The following GCA variants were observed in gnomAD, a reference collection of about 807,000 sequenced individuals.
The protein encoded by GCA is grancalcin, also known as grancalcin, EF-hand calcium-binding protein.
Under a neutral mutation model 32.6 loss-of-function variants are expected in GCA, and 30 were observed. That is an observed-to-expected ratio of 0.92 (90% CI 0.69 to 1.25). The LOEUF (loss-of-function observed/expected upper bound fraction) is 1.25. Among genes scored for constraint, GCA ranks in the 50% most tolerant of loss-of-function variants. GCA has a pLI of 0.00. For missense variants in GCA, 291 were observed against 266.8 expected, an observed-to-expected ratio of 1.09 and a Z score of -0.63; for synonymous variants, 102 against 84.6, an observed-to-expected ratio of 1.21 and a Z score of -1.13.
intron 1 of GCA, chr2:162,319,251 T>C (rs946651004): frequency 9.4e-5 from 43 of 457,012 alleles, no homozygotes; most frequent in Admixed American, 6.6e-4. Context: ...TGAGTAACAA[T>C]AAACAGTTAA....
chr2:162,359,418 T>C (rs1404287602), intron 6 of GCA, 76 bp from the exon 7 acceptor site: 2 of 666,870 alleles, frequency 3.0e-6, no homozygotes, highest in Non-Finnish European at 5.2e-6. Context: ...TTATTCTTTT[T>C]GTGTACCTGG....
intron 3 of GCA, among the ~76,000 whole-genome samples, chr2:162,354,531 G>A (rs1262382170): frequency 6.6e-6 from 1 of 152,156 alleles, no homozygotes; most frequent in African/African-American, 2.4e-5. Context: ...CAACTGAACC[G>A]AGGCAGGGAG....
In GCA at chr2:162,359,482, C is replaced by A. The variant is rs773026784; in HGVS notation, c.569-12C>A. 3 of 1,380,722 alleles carry A rather than the reference C, an allele frequency of 2.2e-6. No homozygotes were observed. In the South Asian group the frequency reaches 3.8e-5, roughly 18 times the overall value. The allele number at this position is 1,380,722 out of a possible 1,614,324, so 85.5% of individuals were successfully genotyped here. On this transcript the variant is annotated splice_polypyrimidine_tract_variant and intron_variant, in intron 6 of 7. Coordinates refer to ENST00000437150, the MANE Select transcript of GCA (RefSeq NM_012198.5). ...TTAAATTACAATAAAAAAGTAATTT[C>A]TTTGTTTAAAGATTTCTTTAGGAAA...
Position 162,362,536 on chromosome 2 carries a change from T to A in GCA, c.*2293T>A. The A allele has an allele frequency of 1.0e-6, 1 of 964,812 alleles. No homozygotes were observed. The highest frequency in any genetic ancestry group is 1.2e-6 in the Non-Finnish European group (1 of 811,352). 59.8% of individuals were successfully genotyped at this position (964,812 alleles called of 1,614,324 possible). On this transcript the variant is annotated 3_prime_UTR_variant, in exon 8 of 8. Coordinates refer to ENST00000437150, the MANE Select transcript of GCA (RefSeq NM_012198.5). ...TTTTACGATGATGTAAATTATTGAATAATGTACACTCTTAATGTATAAGTG... is the reference window on the plus strand; with the variant it reads ...TTTTACGATGATGTAAATTATTGAAAAATGTACACTCTTAATGTATAAGTG...
At chr2:162,375,101 A>G (rs1686115097), downstream of GCA, among the ~76,000 whole-genome samples, 1 of 152,130 alleles carries the variant, frequency 6.6e-6, no homozygotes, top group Non-Finnish European at 1.5e-5. Flanking sequence ...TATTTACCCC[A>G]TTCAGAATTA....
At chr2:162,353,196 G>A (rs987753763) in intron 3 of GCA, among the ~76,000 whole-genome samples, 5 of 152,052 alleles carry the variant, frequency 3.3e-5, no homozygotes, top group Admixed American at 6.5e-5. Flanking sequence ...ACGGCCAGGC[G>A]CCGTGGCTCA....
chr2:162,374,167 A>T (rs942525974), downstream of GCA, among the ~76,000 whole-genome samples: 1 of 152,158 alleles, frequency 6.6e-6, no homozygotes, highest in East Asian at 1.9e-4. Flanking sequence ...AGTATTGTAT[A>T]TTATTCATTG....
At chr2:162,334,607 A>C (rs936592607) in intron 1 of GCA, among the ~76,000 whole-genome samples, 2 of 152,142 alleles carry the variant, frequency 1.3e-5, no homozygotes, top group East Asian at 3.9e-4. Flanking sequence ...TTGTGATTCT[A>C]TGGCATCCTG....
At chr2:162,352,693 T>C (rs1273492640) in intron 3 of GCA, among the ~76,000 whole-genome samples, 1 of 152,128 alleles carries the variant, frequency 6.6e-6, no homozygotes, top group Non-Finnish European at 1.5e-5. Context: ...TCACGATTGA[T>C]TTTTGGATTT....
chr2:162,359,451 T>C lies in GCA; in HGVS notation c.569-43T>C, dbSNP rs891373475. ...TGGGTGCACTAAATATTTGAAACTATGTATTTTAAATTACAATAAAAAAGT... is the reference window on the plus strand; with the variant it reads ...TGGGTGCACTAAATATTTGAAACTACGTATTTTAAATTACAATAAAAAAGT... On this transcript the variant is annotated intron_variant, in intron 6 of 7. Coordinates refer to ENST00000437150, the MANE Select transcript of GCA (RefSeq NM_012198.5). 5.6e-6 allele frequency: 5 copies of C among 899,364 alleles called. No individual in the cohort carries two copies. In the Admixed American group the frequency reaches 6.1e-5, roughly 11 times the overall value. The allele number at this position is 899,364 out of a possible 1,614,324, so 55.7% of individuals were successfully genotyped here. A position where few individuals can be genotyped will look rare whatever the true frequency, so the allele number is the denominator to read the frequency against.
chr2:162,321,919 TATATATATATATATACAC>T (rs1683686708), intron 1 of GCA, among the ~76,000 whole-genome samples: 1 of 112,532 alleles, frequency 8.9e-6, no homozygotes, highest in African/African-American at 4.4e-5. Flanking sequence ...TATATATATA[TATATATATATATATACAC>T]ACATACATAT....
chr2:162,364,301 T>C (rs1685683386), downstream of GCA, among the ~76,000 whole-genome samples: 1 of 151,550 alleles, frequency 6.6e-6, no homozygotes, highest in African/African-American at 2.4e-5. Context: ...AACATACTTA[T>C]TAAATATTCA....
At chr2:162,365,096 A>G (rs1159475393), downstream of GCA, among the ~76,000 whole-genome samples, 7 of 151,664 alleles carry the variant, frequency 4.6e-5, no homozygotes, top group South Asian at 1.0e-3. Flanking sequence ...TGTTCCTAGT[A>G]AAATGTTGGA....
downstream of GCA, among the ~76,000 whole-genome samples, chr2:162,372,783 T>C (rs1173400046): frequency 1.3e-5 from 2 of 152,170 alleles, no homozygotes; most frequent in Non-Finnish European, 2.9e-5. Flanking sequence ...GTTTAACTAA[T>C]TAAGACTAAT....
chr2:162,360,990 T>C lies in GCA; in HGVS notation c.*747T>C, dbSNP rs2105356115. 1 of 1,085,572 alleles carries C rather than the reference T, an allele frequency of 9.2e-7. No homozygotes were observed. Among genetic ancestry groups the C allele is most frequent in the Non-Finnish European group, 1.1e-6 (1 of 887,482 alleles). The allele number at this position is 1,085,572 out of a possible 1,614,324, so 67.2% of individuals were successfully genotyped here. On this transcript the variant is annotated 3_prime_UTR_variant, in exon 8 of 8. Coordinates refer to ENST00000437150, the MANE Select transcript of GCA (RefSeq NM_012198.5). ...ACCTAAAATGGCATCCTGCTCTGAA[T>C]CTAGACTTTTTAGAAATGGCATATG...
intron 1 of GCA, among the ~76,000 whole-genome samples, chr2:162,345,792 G>A (rs1322198457): frequency 6.6e-6 from 1 of 151,984 alleles, no homozygotes; most frequent in Non-Finnish European, 1.5e-5. Flanking sequence ...TAAAATTTTG[G>A]GATAAAACTT....
At chr2:162,319,676 C>T (rs1270562355) in intron 1 of GCA, among the ~76,000 whole-genome samples, 4 of 152,198 alleles carry the variant, frequency 2.6e-5, no homozygotes, top group African/African-American at 9.7e-5. Context: ...CTTAAGGTTA[C>T]TACTCATTCT....
upstream of GCA, among the ~76,000 whole-genome samples, chr2:162,339,490 A>T (rs1034300490): frequency 3.3e-5 from 5 of 152,102 alleles, no homozygotes; most frequent in East Asian, 3.8e-4. Context: ...TCTTTTTTCA[A>T]CTTTCAGATT....
chr2:162,322,638 A>G (rs949062382), intron 1 of GCA, among the ~76,000 whole-genome samples: 18 of 139,908 alleles, frequency 1.3e-4, no homozygotes, highest in African/African-American at 4.4e-4. Context: ...ATTCCCACCT[A>G]TGAGTGAGAA....
Sources: allele counts gnomAD v4.1 joint callset (sites outside exome capture counted in the v4.1 genomes callset), GRCh38; gene constraint gnomAD v4.1.1; transcripts MANE v1.5; gene names NCBI Gene and HGNC (gene_info 2026-07-23, HGNC 2026-07-21).